The following BBS9 variants were observed in gnomAD, a reference collection of about 807,000 sequenced individuals.
BBS9 encodes protein PTHB1.
Under a neutral mutation model 117.7 loss-of-function variants are expected in BBS9, and 89 were observed. The ratio of observed to expected loss-of-function variants is 0.76; its 90% CI spans 0.64 to 0.90. The LOEUF (loss-of-function observed/expected upper bound fraction) is 0.90. Ranked by LOEUF, BBS9 falls within the 40% of genes least tolerant of loss-of-function variation. The pLI, the probability that BBS9 is intolerant of heterozygous loss-of-function variation, is 0.00. For missense variants in BBS9, 982 were observed against 1,042.2 expected (o/e 0.94, Z 0.80); for synonymous variants, 379 against 370.9 (o/e 1.02, Z -0.25).
At chr7:33,443,741 A>C (rs188087930) in intron 19 of BBS9, among the ~76,000 whole-genome samples, 1 of 152,338 alleles carries the variant, frequency 6.6e-6, no homozygotes, top group East Asian at 1.9e-4. Context: ...ATCACGCCAA[A>C]ATGGGTTACA....
intron 10 of BBS9, among the ~76,000 whole-genome samples, chr7:33,338,914 T>C (rs943550060): frequency 6.6e-6 from 1 of 152,150 alleles, no homozygotes; most frequent in Admixed American, 6.5e-5. Context: ...AGCTGTGTCT[T>C]CAGAAAGGGA....
chr7:33,252,663 A>G (rs1305400555), intron 5 of BBS9, among the ~76,000 whole-genome samples: 1 of 152,042 alleles, frequency 6.6e-6, no homozygotes, highest in Non-Finnish European at 1.5e-5. Flanking sequence ...AAATGAACAC[A>G]AATTTTATTG....
At chr7:33,517,165 A>G (rs1223012791) in intron 20 of BBS9, among the ~76,000 whole-genome samples, 2 of 152,264 alleles carry the variant, frequency 1.3e-5, no homozygotes, top group Non-Finnish European at 2.9e-5. Flanking sequence ...ACACCCAAAT[A>G]AGATATGCCA....
At chr7:33,377,821 G>C (rs1824176241) in intron 17 of BBS9, among the ~76,000 whole-genome samples, 1 of 152,124 alleles carries the variant, frequency 6.6e-6, no homozygotes, top group East Asian at 1.9e-4. Context: ...TCGGCTCTTG[G>C]CTTTATGTAC....
At chr7:33,247,353 G>A (rs1347138158) in intron 5 of BBS9, among the ~76,000 whole-genome samples, 1 of 152,022 alleles carries the variant, frequency 6.6e-6, no homozygotes, top group Non-Finnish European at 1.5e-5. Flanking sequence ...GCTCCCAGGG[G>A]TCTGGGATAA....
At chr7:33,400,324 A>T (rs1042504249) in intron 19 of BBS9, among the ~76,000 whole-genome samples, 3 of 152,198 alleles carry the variant, frequency 2.0e-5, no homozygotes, top group Admixed American at 2.0e-4. Flanking sequence ...GTGGAAATGA[A>T]AATCTTATCT....
intron 11 of BBS9, 89 bp downstream of exon 11, chr7:33,341,062 C>T: frequency 9.1e-7 from 1 of 1,095,826 alleles, no homozygotes; most frequent in Non-Finnish European, 1.4e-6. Context: ...AAAGTTTGGT[C>T]CTCCAAGTAG....
intron 21 of BBS9, among the ~76,000 whole-genome samples, chr7:33,566,747 T>C (rs2129129300): frequency 6.6e-6 from 1 of 152,264 alleles, no homozygotes; most frequent in African/African-American, 2.4e-5. Context: ...AAAACACATA[T>C]GTTATTAATA....
At chr7:33,511,180 G>A (rs980759646) in intron 20 of BBS9, among the ~76,000 whole-genome samples, 1 of 152,124 alleles carries the variant, frequency 6.6e-6, no homozygotes, top group African/African-American at 2.4e-5. Context: ...GGTGGTCACT[G>A]TCACTTAGAG....
At chr7:33,455,281 G>A (rs928384667) in intron 19 of BBS9, among the ~76,000 whole-genome samples, 2 of 152,092 alleles carry the variant, frequency 1.3e-5, no homozygotes, top group African/African-American at 2.4e-5. Flanking sequence ...GAGGGAACAC[G>A]TAAGACACAA....
intron 19 of BBS9, among the ~76,000 whole-genome samples, chr7:33,461,119 G>A (rs1445305885): frequency 6.6e-6 from 1 of 151,826 alleles, no homozygotes; most frequent in Non-Finnish European, 1.5e-5. Flanking sequence ...ACCATGCTTT[G>A]TTTTTCCACT....
intron 6 of BBS9, among the ~76,000 whole-genome samples, chr7:33,262,589 T>C (rs1232988948): frequency 2.6e-5 from 4 of 152,176 alleles, no homozygotes; most frequent in Admixed American, 6.5e-5. Context: ...TCTCAGATGG[T>C]ATAGAGAGAT....
At chr7:33,299,147 G>T (rs1049322548) in intron 9 of BBS9, among the ~76,000 whole-genome samples, 2 of 152,152 alleles carry the variant, frequency 1.3e-5, no homozygotes, top group South Asian at 4.1e-4. Flanking sequence ...CAGCATTGCT[G>T]GCTGTATTTG....
chr7:33,311,681 G>A (rs190261308), intron 9 of BBS9, among the ~76,000 whole-genome samples: 315 of 152,264 alleles, frequency 2.1e-3, no homozygotes, highest in Middle Eastern at 0.02. Context: ...GCCGGGTGTG[G>A]TGGCATGTGC....
chr7:33,191,452 G>A (rs770590132), intron 5 of BBS9, among the ~76,000 whole-genome samples: 3 of 152,134 alleles, frequency 2.0e-5, no homozygotes, highest in Admixed American at 6.5e-5. Flanking sequence ...CCAAAAAACT[G>A]TAAATATCCA....
intron 19 of BBS9, among the ~76,000 whole-genome samples, chr7:33,417,103 AC>A (rs1394568892): frequency 6.6e-6 from 1 of 152,198 alleles, no homozygotes; most frequent in Non-Finnish European, 1.5e-5. Flanking sequence ...CTACGTTTTA[AC>A]AATAGTTGTT....
intron 21 of BBS9, among the ~76,000 whole-genome samples, chr7:33,633,909 C>CG (rs781481597): frequency 4.6e-5 from 7 of 152,168 alleles, no homozygotes; most frequent in Non-Finnish European, 1.0e-4. Flanking sequence ...CCAACCCTGC[C>CG]TGCAGAGTCT....
chr7:33,190,221 G>A (rs1238703464), intron 5 of BBS9, among the ~76,000 whole-genome samples: 1 of 149,148 alleles, frequency 6.7e-6, no homozygotes, highest in South Asian at 2.1e-4. Flanking sequence ...CCGGGTTCAC[G>A]CCATTCTCCT....
chr7:33,407,152 T>TA (rs1229932751), intron 19 of BBS9, among the ~76,000 whole-genome samples: 1 of 152,346 alleles, frequency 6.6e-6, no homozygotes, highest in East Asian at 1.9e-4. Context: ...CTTTTTTCTC[T>TA]AAACTTCCCT....
Sources: gnomAD v4.1 joint callset for allele counts (sites outside exome capture counted in the v4.1 genomes callset) on GRCh38, gnomAD v4.1.1 for gene constraint, MANE v1.5 for transcripts, NCBI Gene and HGNC (gene_info 2026-07-23, HGNC 2026-07-21) for gene names.